The following FMNL2 variants were observed in gnomAD, a reference collection of about 807,000 sequenced individuals.
FMNL2 encodes the protein formin-like protein 2.
Under a neutral mutation model 130.2 loss-of-function variants are expected in FMNL2, and 51 were observed. The observed-to-expected ratio is 0.39, with a 90% CI of 0.31 to 0.49. The LOEUF (loss-of-function observed/expected upper bound fraction) is 0.49. FMNL2 is among the 20% of genes least tolerant of loss of function. The probability of loss-of-function intolerance (pLI) is 0.85; values close to 1 mark genes in which losing one functional copy is unlikely to be tolerated. For synonymous variants in FMNL2, 465 were observed against 467.1 expected (o/e 1.00, Z 0.06); for missense variants, 977 against 1,316.2 (o/e 0.74, Z 3.99).
rs771625998 is a variant in FMNL2, at chr2:152,589,940, CATATATATAT to C, written c.876+8926_876+8935del. 1.5e-3 allele frequency among the ~76,000 whole-genome samples: 102 copies of C among 67,032 alleles called. 1 individual carries two copies. The highest frequency in any genetic ancestry group is 4.7e-3 in the African/African-American group (80 of 17,170). 44.0% of individuals were successfully genotyped at this position (67,032 alleles called of 152,430 possible). A position where few individuals can be genotyped will look rare whatever the true frequency, so the allele number is the denominator to read the frequency against. ...ATGTACCACCACACCTGGCTTTATA[CATATATATAT>C]ATATATATATATATATATATATATA... On this transcript the variant is annotated intron_variant, in intron 9 of 25. Transcript: ENST00000288670.
chr2:152,348,963 T>A (rs901085253), intron 1 of FMNL2, among the ~76,000 whole-genome samples: 3 of 143,542 alleles, frequency 2.1e-5, no homozygotes, highest in African/African-American at 8.0e-5. Flanking sequence ...GCCTCCCCAG[T>A]AGCTGGGACT....
intron 1 of FMNL2, among the ~76,000 whole-genome samples, chr2:152,402,307 G>A (rs13406999): frequency 6.6e-6 from 1 of 152,360 alleles, no homozygotes; most frequent in East Asian, 1.9e-4. Context: ...AGAGGGCGGA[G>A]TGGAGGGGAA....
At chr2:152,536,236 A>T (rs1241373073) in intron 2 of FMNL2, among the ~76,000 whole-genome samples, 1 of 152,208 alleles carries the variant, frequency 6.6e-6, no homozygotes, top group Non-Finnish European at 1.5e-5. Context: ...TATTATTGCA[A>T]CATTTTATTT....
chr2:152,465,977 T>C (rs901400955), intron 1 of FMNL2, among the ~76,000 whole-genome samples: 2 of 152,222 alleles, frequency 1.3e-5, no homozygotes, highest in Non-Finnish European at 2.9e-5. Context: ...TGGTTGGTTA[T>C]TTTCAGGAAG....
At chr2:152,443,836 C>G (rs904690246) in intron 1 of FMNL2, among the ~76,000 whole-genome samples, 2 of 151,850 alleles carry the variant, frequency 1.3e-5, no homozygotes, top group African/African-American at 4.8e-5. Flanking sequence ...GAGCGAGAGA[C>G]TCCATCCAAA....
chr2:152,429,479 AAGAG>A (rs1213555527), intron 1 of FMNL2, among the ~76,000 whole-genome samples: 1 of 152,212 alleles, frequency 6.6e-6, no homozygotes, highest in African/African-American at 2.4e-5. Context: ...CTGAAATTTA[AAGAG>A]AGAAAGGCTA....
chr2:152,402,529 G>A (rs1463332229), intron 1 of FMNL2, among the ~76,000 whole-genome samples: 3 of 152,202 alleles, frequency 2.0e-5, no homozygotes, highest in Non-Finnish European at 2.9e-5. Context: ...AAGATCTTTT[G>A]TGATGTTTAC....
chr2:152,603,332 C>A (rs1253315611), intron 9 of FMNL2, among the ~76,000 whole-genome samples: 1 of 150,792 alleles, frequency 6.6e-6, no homozygotes, highest in African/African-American at 2.4e-5. Flanking sequence ...TTCATAATGT[C>A]ATTTTGTGCA....
chr2:152,609,724 A>G (rs6727781), intron 10 of FMNL2, among the ~76,000 whole-genome samples: 17,164 of 152,198 alleles, frequency 0.11, 1,209 homozygotes, highest in Admixed American at 0.23. Flanking sequence ...TATCCAATGT[A>G]TACCATATCT....
rs181973899 is a variant in FMNL2, at chr2:152,555,889, C to G, written c.360-2851C>G. Among the ~76,000 whole-genome samples the G allele has an allele frequency of 2.6e-4, 39 of 152,320 alleles. No individual in the cohort carries two copies. In the East Asian group the frequency reaches 6.4e-3, roughly 25 times the overall value. On this transcript the variant is annotated intron_variant, in intron 4 of 25. Transcript: ENST00000288670. ...ACAGAGGTGAAATGGAACTAATTTG[C>G]TATGGGAACCCTGAATATATGATAT...
intron 1 of FMNL2, among the ~76,000 whole-genome samples, chr2:152,502,681 C>T (rs981796834): frequency 1.3e-5 from 2 of 151,828 alleles, no homozygotes; most frequent in Non-Finnish European, 2.9e-5. Flanking sequence ...AGCAAGACTC[C>T]GACTCAAAAA....
intron 1 of FMNL2, among the ~76,000 whole-genome samples, chr2:152,517,789 G>A (rs1406336373): frequency 1.3e-5 from 2 of 152,162 alleles, no homozygotes; most frequent in African/African-American, 4.8e-5. Flanking sequence ...CTTGCAGGCA[G>A]TTACTTGGTG....
At chr2:152,638,113 G>C (rs1253718074) in intron 23 of FMNL2, among the ~76,000 whole-genome samples, 1 of 152,244 alleles carries the variant, frequency 6.6e-6, no homozygotes, top group African/African-American at 2.4e-5. Context: ...GGACCTCTTA[G>C]ACCAGCATTT....
intron 1 of FMNL2, among the ~76,000 whole-genome samples, chr2:152,404,895 G>A (rs1685899912): frequency 6.6e-6 from 1 of 152,154 alleles, no homozygotes; most frequent in Non-Finnish European, 1.5e-5. Flanking sequence ...TCTACAAGTT[G>A]ATTTTTGTCT....
At chr2:152,500,065 AC>A (rs1369258486) in intron 1 of FMNL2, among the ~76,000 whole-genome samples, 2 of 152,126 alleles carry the variant, frequency 1.3e-5, no homozygotes, top group Non-Finnish European at 2.9e-5. Flanking sequence ...ATTAGAGCTC[AC>A]CCGCAGATGT....
At chr2:152,551,989 C>A (rs1263519501) in intron 4 of FMNL2, among the ~76,000 whole-genome samples, 2 of 152,182 alleles carry the variant, frequency 1.3e-5, no homozygotes, top group Admixed American at 6.5e-5. Flanking sequence ...CAGAGTGAGA[C>A]CCTGTCTCTA....
intron 1 of FMNL2, among the ~76,000 whole-genome samples, chr2:152,474,192 C>T (rs1022507388): frequency 2.0e-5 from 3 of 151,934 alleles, no homozygotes; most frequent in Non-Finnish European, 1.5e-5. Flanking sequence ...TTACTTAAAA[C>T]CAAACTTTTT....
chr2:152,352,644 G>A (rs911908808), intron 1 of FMNL2, among the ~76,000 whole-genome samples: 1 of 151,796 alleles, frequency 6.6e-6, no homozygotes, highest in Non-Finnish European at 1.5e-5. Flanking sequence ...CAGATAAAAT[G>A]AGAACTGGAT....
At chr2:152,473,347 G>A (rs770809825) in intron 1 of FMNL2, among the ~76,000 whole-genome samples, 11 of 152,040 alleles carry the variant, frequency 7.2e-5, no homozygotes, top group Non-Finnish European at 1.0e-4. Flanking sequence ...GGGATTACAC[G>A]CATGAGTTAC....
Sources: gnomAD v4.1 joint callset for allele counts (sites outside exome capture counted in the v4.1 genomes callset) on GRCh38, gnomAD v4.1.1 for gene constraint, MANE v1.5 for transcripts, NCBI Gene and HGNC (gene_info 2026-07-23, HGNC 2026-07-21) for gene names.